SYNJ2BP: variants seen among roughly 807,000 people sequenced by gnomAD.
The protein encoded by SYNJ2BP is synaptojanin-2-binding protein.
A neutral mutation model predicts 16.9 loss-of-function variants in SYNJ2BP; 10 were observed. The observed-to-expected ratio is 0.59, with a 90% CI of 0.36 to 1.00. SYNJ2BP has a LOEUF of 1.00. Ranked by LOEUF, SYNJ2BP falls within the 50% of genes least tolerant of loss-of-function variation. The probability of loss-of-function intolerance (pLI) is 0.01; values close to 1 mark genes in which losing one functional copy is unlikely to be tolerated. For missense variants in SYNJ2BP, 162 were observed against 186.7 expected (o/e 0.87, Z 0.77); for synonymous variants, 54 against 68.4 (o/e 0.79, Z 1.04).
chr14:70,395,928 T>G (rs974025747), intron 1 of SYNJ2BP, among the ~76,000 whole-genome samples: 8 of 152,246 alleles, frequency 5.3e-5, no homozygotes, highest in African/African-American at 1.7e-4. Context: ...GCATAATGTC[T>G]TCAAGGTTCA....
rs945009000 is a variant in SYNJ2BP, at chr14:70,369,719, A to G, written c.*3272T>C. 7.2e-5 allele frequency: 11 copies of G among 152,240 alleles called. No homozygotes were observed. Among genetic ancestry groups the G allele is most frequent in the African/African-American group, 2.7e-4 (11 of 41,460 alleles). The allele number at this position is 152,240 out of a possible 1,614,324, so 9.4% of individuals were successfully genotyped here. ...CCATTATACATGGCTAGATGGAACA[A>G]TTAAGTTAAATCGATAACACATAAG... is the stretch of plus-strand genomic sequence containing the variant. On this transcript the variant is annotated 3_prime_UTR_variant, in exon 4 of 4. Coordinates refer to ENST00000256366, the MANE Select transcript of SYNJ2BP (RefSeq NM_018373.3).
intron 3 of SYNJ2BP, among the ~76,000 whole-genome samples, chr14:70,375,155 T>C (rs1887598580): frequency 6.6e-6 from 1 of 151,712 alleles, no homozygotes; most frequent in African/African-American, 2.4e-5. Context: ...AGCAAGGACC[T>C]TGGTTATAAG....
chr14:70,388,901 TTACTC>T (rs1404864849), intron 1 of SYNJ2BP, among the ~76,000 whole-genome samples: 3 of 152,064 alleles, frequency 2.0e-5, no homozygotes, highest in African/African-American at 7.2e-5. Flanking sequence ...ATAATGGTGA[TTACTC>T]TAAGTTCGTT....
intron 1 of SYNJ2BP, among the ~76,000 whole-genome samples, chr14:70,399,865 C>T (rs1193315647): frequency 6.6e-6 from 1 of 152,124 alleles, no homozygotes; most frequent in Non-Finnish European, 1.5e-5. Flanking sequence ...CCTAAGGGTC[C>T]CCAGTAAAAG....
chr14:70,414,140 C>T (rs1888551120), intron 1 of SYNJ2BP, among the ~76,000 whole-genome samples: 1 of 152,180 alleles, frequency 6.6e-6, no homozygotes, highest in Non-Finnish European at 1.5e-5. Flanking sequence ...AAGAGTATCA[C>T]ATACTAGGAA....
At chr14:70,392,292 C>CT (rs967708430) in intron 1 of SYNJ2BP, among the ~76,000 whole-genome samples, 3 of 152,202 alleles carry the variant, frequency 2.0e-5, no homozygotes, top group Non-Finnish European at 4.4e-5. Flanking sequence ...CAAATTTATC[C>CT]TTTTCCCTGT....
intron 1 of SYNJ2BP, among the ~76,000 whole-genome samples, chr14:70,412,503 T>G (rs1308741521): frequency 3.7e-5 from 4 of 108,238 alleles, no homozygotes; most frequent in Admixed American, 3.2e-4. Context: ...ATGTATAGTA[T>G]ATATACAGTA....
intron 1 of SYNJ2BP, among the ~76,000 whole-genome samples, chr14:70,403,349 G>A (rs1041034610): frequency 2.6e-5 from 4 of 152,312 alleles, no homozygotes; most frequent in South Asian, 2.1e-4. Context: ...TGTCAGAGGC[G>A]TTTAAACCAG....
At chr14:70,403,099 A>C (rs928305208) in intron 1 of SYNJ2BP, among the ~76,000 whole-genome samples, 2 of 152,186 alleles carry the variant, frequency 1.3e-5, no homozygotes, top group African/African-American at 2.4e-5. Flanking sequence ...ATCAATTTTC[A>C]CCTAAGAGTA....
chr14:70,391,688 A>C (rs1887983395), intron 1 of SYNJ2BP, among the ~76,000 whole-genome samples: 1 of 152,246 alleles, frequency 6.6e-6, no homozygotes, highest in Non-Finnish European at 1.5e-5. Context: ...TTAGCAACAG[A>C]AAGGACTTTG....
chr14:70,384,137 G>A (rs1219750052), intron 2 of SYNJ2BP, among the ~76,000 whole-genome samples: 1 of 151,972 alleles, frequency 6.6e-6, no homozygotes, highest in African/African-American at 2.4e-5. Context: ...GAATTACTTG[G>A]GGAGAATGAA....
At position 70,369,175 on chromosome 14, in the gene SYNJ2BP, G is replaced by A. The variant is rs980723449; in HGVS notation, c.*3816C>T. On this transcript the variant is annotated 3_prime_UTR_variant, in exon 4 of 4. Coordinates refer to ENST00000256366, the MANE Select transcript of SYNJ2BP (RefSeq NM_018373.3). ...TCCGTTGCTCAGGCTAGAATGAAGT[G>A]GAGCAATCACGGCTCACTGCACCTC... The A allele has an allele frequency of 3.9e-5, 6 of 152,242 alleles. No homozygotes were observed. The highest frequency in any genetic ancestry group is 1.4e-4 in the African/African-American group (6 of 41,434). 9.4% of individuals were successfully genotyped at this position (152,242 alleles called of 1,614,324 possible).
Position 70,388,479 on chromosome 14 carries a change from C to A in SYNJ2BP, c.192G>T (p.Lys64Asn). 6.4e-7 allele frequency: 1 copy of A among 1,574,494 alleles called. No individual in the cohort carries two copies. Among genetic ancestry groups the A allele is most frequent in the Non-Finnish European group, 8.6e-7 (1 of 1,162,666 alleles). The change falls in exon 2 of 4, where the codon AAG becomes AAT. Residue 64 changes from lysine to asparagine, a missense_variant. Physicochemically the swap from Lys to Asn is moderately conservative, Grantham distance 94 (BLOSUM62 0). Transcript: ENST00000256366. Reference sequence around the variant, plus strand: ...CGAAGCCCATTCTCACCGAAAGGATCTTATCACCCTCCTGGAGCCGCCCAT... The same window carrying A: ...CGAAGCCCATTCTCACCGAAAGGATATTATCACCCTCCTGGAGCCGCCCAT... ...ALDGRLQEGDKILSVNGQDLK... is the reference protein window; with the variant it reads ...ALDGRLQEGDNILSVNGQDLK...
At chr14:70,380,300 A>G (rs1295333415) in intron 2 of SYNJ2BP, among the ~76,000 whole-genome samples, 1 of 152,172 alleles carries the variant, frequency 6.6e-6, no homozygotes, top group Non-Finnish European at 1.5e-5. Flanking sequence ...CCTATCACAT[A>G]TATGTTGTAA....
chr14:70,408,179 G>A (rs1888390220), intron 1 of SYNJ2BP, among the ~76,000 whole-genome samples: 2 of 151,300 alleles, frequency 1.3e-5, no homozygotes, highest in Admixed American at 6.6e-5. Flanking sequence ...ATAAAAGGAG[G>A]GAAAAAGAGA....
intron 1 of SYNJ2BP, among the ~76,000 whole-genome samples, chr14:70,407,088 T>A (rs1487014649): frequency 5.3e-5 from 8 of 152,190 alleles, no homozygotes; most frequent in African/African-American, 1.9e-4. Context: ...TAATGACTCC[T>A]ACTTATTAGG....
chr14:70,401,913 CAGTT>C (rs944245554), intron 1 of SYNJ2BP, among the ~76,000 whole-genome samples: 2 of 152,082 alleles, frequency 1.3e-5, no homozygotes, highest in East Asian at 1.9e-4. Flanking sequence ...GCCTCCCAAA[CAGTT>C]AGGCTTACAA....
In SYNJ2BP at chr14:70,373,030, T is replaced by C; in HGVS notation, c.399A>G (p.Val133=). 6.2e-7 allele frequency: 1 copy of C among 1,614,158 alleles called. No homozygotes were observed. Among genetic ancestry groups the C allele is most frequent in the Non-Finnish European group, 8.5e-7 (1 of 1,180,032 alleles). The change falls in exon 4 of 4, where the codon GTA becomes GTG. Residue 133 remains valine (V), a synonymous_variant. Transcript: ENST00000256366. The part of the protein sequence containing the change: ...VLVPVFALTM[V]AAWAFMRYRQ... ...GGTATCTCATGAAAGCCCAGGCTGCTACCATGGTGAGGGCAAACACTGGCA... is the reference window on the plus strand; with the variant it reads ...GGTATCTCATGAAAGCCCAGGCTGCCACCATGGTGAGGGCAAACACTGGCA...
intron 1 of SYNJ2BP, among the ~76,000 whole-genome samples, chr14:70,402,700 A>G (rs965489470): frequency 2.0e-5 from 3 of 151,970 alleles, no homozygotes; most frequent in African/African-American, 4.8e-5. Context: ...TTTAAAATAT[A>G]TATCTATTAG....
Sources: allele counts gnomAD v4.1 joint callset (sites outside exome capture counted in the v4.1 genomes callset), GRCh38; gene constraint gnomAD v4.1.1; transcripts MANE v1.5; gene names NCBI Gene and HGNC (gene_info 2026-07-23, HGNC 2026-07-21).